Variants in ARHGAP24 observed in about 807,000 individuals in gnomAD.
ARHGAP24 encodes rho GTPase-activating protein 24.
In ARHGAP24, 50 loss-of-function variants were observed where a neutral mutation model predicts 76.4. That is an observed-to-expected ratio of 0.65 (90% CI 0.52 to 0.83). The LOEUF is 0.83. ARHGAP24 is among the 40% of genes least tolerant of loss of function. The pLI is 0.00. For missense variants in ARHGAP24, 930 were observed against 914.2 expected (o/e 1.02, Z -0.22); for synonymous variants, 345 against 323.3 (o/e 1.07, Z -0.72).
chr4:85,945,286 G>A (rs1482792664), intron 5 of ARHGAP24, among the ~76,000 whole-genome samples: 1 of 152,026 alleles, frequency 6.6e-6, no homozygotes, highest in African/African-American at 2.4e-5. Context: ...GGGATTACGG[G>A]CATGTGCCAC....
At chr4:85,878,495 G>A (rs897582663) in intron 3 of ARHGAP24, among the ~76,000 whole-genome samples, 5 of 152,000 alleles carry the variant, frequency 3.3e-5, no homozygotes, top group South Asian at 2.1e-4. Flanking sequence ...AGAAGAATTC[G>A]TTAAGACCCC....
intron 1 of ARHGAP24, among the ~76,000 whole-genome samples, chr4:85,537,031 T>A (rs576783968): frequency 6.6e-6 from 1 of 152,288 alleles, no homozygotes; most frequent in South Asian, 2.1e-4. Flanking sequence ...TTTCTCAATT[T>A]ATTCAAGGGA....
intron 8 of ARHGAP24, chr4:85,991,661 C>G (rs909906913): frequency 6.6e-6 from 1 of 152,478 alleles, no homozygotes; most frequent in Non-Finnish European, 1.5e-5. Flanking sequence ...ACTATAGAGA[C>G]AGAAAGCACA....
chr4:85,814,807 G>T (rs1203818263), intron 3 of ARHGAP24, among the ~76,000 whole-genome samples: 1 of 152,186 alleles, frequency 6.6e-6, no homozygotes, highest in African/African-American at 2.4e-5. Context: ...CCCCAGTAGG[G>T]ACTCTATGTG....
At chr4:85,997,904 A>C (rs957725542) in intron 9 of ARHGAP24, among the ~76,000 whole-genome samples, 1 of 151,908 alleles carries the variant, frequency 6.6e-6, no homozygotes, top group East Asian at 1.9e-4. Flanking sequence ...TGATCCACCC[A>C]CCTCGGCCTC....
chr4:85,588,507 CCTGT>C (rs1727956537), intron 2 of ARHGAP24, among the ~76,000 whole-genome samples: 1 of 152,110 alleles, frequency 6.6e-6, no homozygotes. Context: ...TATTAGCTCG[CCTGT>C]CTTATTGTGA....
At chr4:85,811,445 C>A (rs1267337738) in intron 3 of ARHGAP24, among the ~76,000 whole-genome samples, 1 of 152,066 alleles carries the variant, frequency 6.6e-6, no homozygotes, top group Non-Finnish European at 1.5e-5. Flanking sequence ...GCTGCCCAGC[C>A]CAGGAGAAAC....
In ARHGAP24 at chr4:85,493,101, G is replaced by A. The variant is rs552891370; in HGVS notation, c.-21+17542G>A. Reference sequence around the variant, plus strand: ...GCAAGAGTACCATAGAATTAGGGCTGTCCCCTTCTCAGTGCATCATATCAG... The same window carrying A: ...GCAAGAGTACCATAGAATTAGGGCTATCCCCTTCTCAGTGCATCATATCAG... On this transcript the variant is annotated intron_variant, in intron 1 of 9. Coordinates refer to ENST00000395184, the MANE Select transcript of ARHGAP24 (RefSeq NM_001025616.3). Among the ~76,000 whole-genome samples the A allele has an allele frequency of 6.6e-5, 10 of 152,296 alleles. No individual in the cohort carries two copies. The South Asian group carries it at 2.1e-3, about 32-fold the overall frequency.
At chr4:85,526,958 A>G (rs1293506558) in intron 1 of ARHGAP24, among the ~76,000 whole-genome samples, 1 of 152,186 alleles carries the variant, frequency 6.6e-6, no homozygotes, top group Non-Finnish European at 1.5e-5. Context: ...TATTTCTTAT[A>G]AGCTCAAGCA....
At chr4:85,625,225 C>A (rs1560558359) in intron 2 of ARHGAP24, among the ~76,000 whole-genome samples, 1 of 152,066 alleles carries the variant, frequency 6.6e-6, no homozygotes, top group Non-Finnish European at 1.5e-5. Flanking sequence ...ATAAATTTCC[C>A]TCTACATACT....
chr4:85,828,446 G>A (rs939619843), intron 3 of ARHGAP24, among the ~76,000 whole-genome samples: 1 of 151,846 alleles, frequency 6.6e-6, no homozygotes. Context: ...AAAGCAGTGG[G>A]AGTTTTTTGT....
At chr4:85,753,239 A>C (rs115495845) in intron 3 of ARHGAP24, among the ~76,000 whole-genome samples, 1 of 152,084 alleles carries the variant, frequency 6.6e-6, no homozygotes, top group Non-Finnish European at 1.5e-5. Context: ...AATGGTAGGA[A>C]CTTTGTAAGT....
intron 8 of ARHGAP24, 86 bp downstream of exon 8, chr4:85,977,777 C>G: frequency 3.3e-6 from 5 of 1,518,698 alleles, no homozygotes; most frequent in Non-Finnish European, 4.6e-6. Flanking sequence ...TCTGAGCAAA[C>G]CAAGGTAATA....
chr4:85,551,837 G>T (rs796512114), intron 1 of ARHGAP24, among the ~76,000 whole-genome samples: 8 of 22,114 alleles, frequency 3.6e-4, no homozygotes, highest in African/African-American at 4.1e-4. Context: ...AGTCTCTGAG[G>T]GTTTTTTTGT....
intron 2 of ARHGAP24, among the ~76,000 whole-genome samples, chr4:85,633,133 C>T (rs4693120): frequency 0.57 from 86,314 of 151,530 alleles, 25,477 homozygotes; most frequent in Non-Finnish European, 0.64. Flanking sequence ...ATCTTGGCAC[C>T]TCTCATATTA....
intron 2 of ARHGAP24, among the ~76,000 whole-genome samples, chr4:85,599,168 A>C (rs6835362): frequency 2.0e-5 from 3 of 152,044 alleles, no homozygotes; most frequent in African/African-American, 7.2e-5. Flanking sequence ...GAGAGGAGGG[A>C]TTAGAAGGAG....
chr4:85,711,700 A>T (rs910483898), intron 2 of ARHGAP24, among the ~76,000 whole-genome samples: 3 of 152,194 alleles, frequency 2.0e-5, no homozygotes, highest in African/African-American at 7.2e-5. Context: ...TTGTTAAAAA[A>T]TTAGCAAGGT....
intron 3 of ARHGAP24, among the ~76,000 whole-genome samples, chr4:85,899,145 A>T (rs1037816410): frequency 1.3e-5 from 2 of 152,224 alleles, no homozygotes; most frequent in African/African-American, 2.4e-5. Flanking sequence ...GCACAAGCTA[A>T]TGAGTAATGT....
chr4:85,632,747 C>G (rs953321768), intron 2 of ARHGAP24, among the ~76,000 whole-genome samples: 1 of 151,986 alleles, frequency 6.6e-6, no homozygotes, highest in African/African-American at 2.4e-5. Flanking sequence ...TTTTGCTTTG[C>G]AATTGCAATT....
Sources: gnomAD v4.1 joint callset for allele counts (sites outside exome capture counted in the v4.1 genomes callset) on GRCh38, gnomAD v4.1.1 for gene constraint, MANE v1.5 for transcripts, NCBI Gene and HGNC (gene_info 2026-07-23, HGNC 2026-07-21) for gene names.